Variants in PDE11A observed in about 807,000 individuals in gnomAD.
PDE11A encodes the protein dual 3',5'-cyclic-AMP and -GMP phosphodiesterase 11A.
PDE11A carries 100 observed loss-of-function variants against 100.5 expected under a neutral mutation model. The observed-to-expected ratio is 1.00, with a 90% CI of 0.85 to 1.18. The LOEUF (loss-of-function observed/expected upper bound fraction) is 1.18, where lower values mean the gene tolerates loss of function less well. Ranked by LOEUF, PDE11A falls within the 50% of genes most tolerant of loss-of-function variation. The probability of loss-of-function intolerance (pLI) is 0.00; values close to 1 mark genes in which losing one functional copy is unlikely to be tolerated. For missense variants in PDE11A, 1,141 were observed against 1,152.6 expected, an observed-to-expected ratio of 0.99 and a Z score of 0.15; for synonymous variants, 381 against 420.8, an observed-to-expected ratio of 0.91 and a Z score of 1.16.
At chr2:177,971,981 T>C (rs569736406) in intron 2 of PDE11A, among the ~76,000 whole-genome samples, 1 of 152,236 alleles carries the variant, frequency 6.6e-6, no homozygotes, top group South Asian at 2.1e-4. Context: ...ACCAATAGAG[T>C]CTCATAAGAA....
At position 178,096,164 on chromosome 2, in the gene PDE11A, C is replaced by CTTTTTTTTTTTTTTTTTTTTTTT; in HGVS notation, c.162+8137_162+8138insAAAAAAAAAAAAAAAAAAAAAAA. On this transcript the variant is annotated intron_variant, in intron 2 of 20. Transcript: ENST00000358450. ...TCCCCAGAAAACAGGTTTTTCTTTT[C>CTTTTTTTTTTTTTTTTTTTTTTT]TTTTCTTTTTTTTTTTTGAGATGGA... 2.7e-3 allele frequency among the ~76,000 whole-genome samples: 293 copies of CTTTTTTTTTTTTTTTTTTTTTTT among 110,192 alleles called. 12 individuals carry two copies. Among genetic ancestry groups the CTTTTTTTTTTTTTTTTTTTTTTT allele is most frequent in the African/African-American group, 6.6e-3 (188 of 28,352 alleles). 72.3% of individuals were successfully genotyped at this position (110,192 alleles called of 152,430 possible).
At chr2:178,035,115 T>C (rs2086595396) in intron 1 of PDE11A, among the ~76,000 whole-genome samples, 1 of 150,858 alleles carries the variant, frequency 6.6e-6, no homozygotes, top group African/African-American at 2.4e-5. Context: ...ATTAACAAAA[T>C]AGATGGACCA....
chr2:177,810,876 G>A (rs2105569193), intron 9 of PDE11A, among the ~76,000 whole-genome samples: 2 of 152,228 alleles, frequency 1.3e-5, no homozygotes, highest in Middle Eastern at 6.8e-3. Context: ...AATTGGAAAG[G>A]CAGAAATAGA....
chr2:177,850,203 C>T (rs567480560), intron 5 of PDE11A, among the ~76,000 whole-genome samples: 8 of 152,260 alleles, frequency 5.3e-5, no homozygotes, highest in Non-Finnish European at 1.0e-4. Flanking sequence ...ACCAGTGGAA[C>T]AGAACAGAGC....
intron 4 of PDE11A, among the ~76,000 whole-genome samples, chr2:177,889,469 G>A (rs932441700): frequency 6.6e-6 from 1 of 151,266 alleles, no homozygotes; most frequent in African/African-American, 2.4e-5. Flanking sequence ...ATGTCCTAGT[G>A]TTATAATTTT....
At chr2:178,077,598 TGTCAA>T (rs1342435780), upstream of PDE11A, among the ~76,000 whole-genome samples, 1 of 152,170 alleles carries the variant, frequency 6.6e-6, no homozygotes, top group Non-Finnish European at 1.5e-5. Flanking sequence ...ATTAAGGCCT[TGTCAA>T]AAGGCAAGTA....
Position 177,678,896 on chromosome 2 carries a change from T to C in PDE11A, c.2423+1930A>G, listed in dbSNP as rs531600334. Among the ~76,000 whole-genome samples, 131 of 150,874 alleles carry C rather than the reference T, an allele frequency of 8.7e-4. 1 individual carries two copies. The highest frequency in any genetic ancestry group is 3.1e-3 in the African/African-American group (126 of 40,974). ...GGGCTGGGAGTCATTTGAGAAGAGA[T>C]AGTAGTGACACTAGAAGGATGCTGA... is the stretch of plus-strand genomic sequence containing the variant. On this transcript the variant is annotated intron_variant, in intron 16 of 19. Coordinates refer to ENST00000286063, the MANE Select transcript of PDE11A (RefSeq NM_016953.4).
intron 3 of PDE11A, among the ~76,000 whole-genome samples, chr2:177,902,995 T>A (rs1289084186): frequency 6.6e-6 from 1 of 152,232 alleles, no homozygotes; most frequent in East Asian, 1.9e-4. Flanking sequence ...TAAGTCAGAC[T>A]CAGCTCAAAA....
intron 18 of PDE11A, among the ~76,000 whole-genome samples, chr2:177,668,319 GA>G (rs2080620309): frequency 6.6e-6 from 1 of 152,086 alleles, no homozygotes; most frequent in Non-Finnish European, 1.5e-5. Context: ...TTTAAAGGGG[GA>G]AAAGCTTTTA....
intron 9 of PDE11A, among the ~76,000 whole-genome samples, chr2:177,793,418 C>T (rs886367008): frequency 6.6e-6 from 1 of 151,504 alleles, no homozygotes; most frequent in African/African-American, 2.4e-5. Flanking sequence ...GAACATGGCC[C>T]TGGTTGTGTA....
chr2:177,947,628 G>T (rs1042286789), intron 2 of PDE11A, among the ~76,000 whole-genome samples: 8 of 151,672 alleles, frequency 5.3e-5, no homozygotes, highest in Non-Finnish European at 7.4e-5. Context: ...CACAAACACT[G>T]CGGAAGGCCG....
At chr2:177,961,643 A>T (rs2085634810) in intron 2 of PDE11A, among the ~76,000 whole-genome samples, 1 of 152,078 alleles carries the variant, frequency 6.6e-6, no homozygotes, top group Non-Finnish European at 1.5e-5. Context: ...TTTGGTCTTT[A>T]TTATTTTCTT....
intron 1 of PDE11A, among the ~76,000 whole-genome samples, chr2:178,068,787 A>T (rs1232897796): frequency 6.6e-6 from 1 of 152,208 alleles, no homozygotes; most frequent in African/African-American, 2.4e-5. Flanking sequence ...GGAAGGATGC[A>T]ACATCCTTCC....
At chr2:177,859,963 TAGAA>T (rs2083916519) in intron 5 of PDE11A, among the ~76,000 whole-genome samples, 1 of 151,676 alleles carries the variant, frequency 6.6e-6, no homozygotes, top group South Asian at 2.1e-4. Flanking sequence ...AATCAGTACT[TAGAA>T]AGAAATGTAT....
chr2:178,107,438 C>T (rs1559073850), intron 1 of PDE11A, among the ~76,000 whole-genome samples: 1 of 149,312 alleles, frequency 6.7e-6, no homozygotes, highest in Non-Finnish European at 1.5e-5. Flanking sequence ...GTCATTCTTC[C>T]AAGAATGAAG....
At chr2:177,939,363 G>T (rs757995366) in intron 2 of PDE11A, among the ~76,000 whole-genome samples, 1 of 144,250 alleles carries the variant, frequency 6.9e-6, no homozygotes, top group East Asian at 2.1e-4. Flanking sequence ...GAAGGAGGGA[G>T]AGAGTGAGGA....
intron 12 of PDE11A, among the ~76,000 whole-genome samples, chr2:177,724,356 C>G (rs190644769): frequency 2.1e-3 from 321 of 151,802 alleles, no homozygotes; most frequent in East Asian, 5.2e-3. Flanking sequence ...AACAAAACCG[C>G]TTTGTTACCT....
chr2:178,053,235 A>G (rs2086851729), intron 1 of PDE11A, among the ~76,000 whole-genome samples: 1 of 152,224 alleles, frequency 6.6e-6, no homozygotes, highest in African/African-American at 2.4e-5. Context: ...AACATAATCC[A>G]TCATATAAAC....
At chr2:177,849,727 T>C (rs1343270022) in intron 5 of PDE11A, among the ~76,000 whole-genome samples, 1 of 151,040 alleles carries the variant, frequency 6.6e-6, no homozygotes, top group Non-Finnish European at 1.5e-5. Flanking sequence ...GAGGTGGAGC[T>C]TGCAGTGAGC....
Sources: allele counts gnomAD v4.1 joint callset (sites outside exome capture counted in the v4.1 genomes callset), GRCh38; gene constraint gnomAD v4.1.1; transcripts MANE v1.5; gene names NCBI Gene and HGNC (gene_info 2026-07-23, HGNC 2026-07-21).